RAP1GAP2: variants seen among roughly 807,000 people sequenced by gnomAD.
RAP1GAP2 encodes the protein rap1 GTPase-activating protein 2.
Under a neutral mutation model 95.0 loss-of-function variants are expected in RAP1GAP2, and 27 were observed. The observed-to-expected ratio is 0.28, with a 90% CI of 0.21 to 0.39. The LOEUF is 0.39. Ranked by LOEUF, RAP1GAP2 falls within the 10% of genes least tolerant of loss-of-function variation. The probability of loss-of-function intolerance (pLI) is 1.00; values close to 1 mark genes in which losing one functional copy is unlikely to be tolerated. For synonymous variants in RAP1GAP2, 373 were observed against 380.9 expected (o/e 0.98, Z 0.24); for missense variants, 771 against 970.0 (o/e 0.79, Z 2.72).
intron 2 of RAP1GAP2, among the ~76,000 whole-genome samples, chr17:2,842,802 C>T (rs1055383131): frequency 7.9e-5 from 12 of 152,102 alleles, no homozygotes; most frequent in African/African-American, 2.9e-4. Context: ...CTCGCTGTCC[C>T]ACCCTCTCCT....
At chr17:2,933,702 C>G (rs1416953076) in intron 3 of RAP1GAP2, among the ~76,000 whole-genome samples, 5 of 152,244 alleles carry the variant, frequency 3.3e-5, no homozygotes, top group Non-Finnish European at 7.3e-5. Context: ...CTAGTTGACC[C>G]TGTTACGGAC....
chr17:2,854,111 C>T (rs1597444483), intron 2 of RAP1GAP2: 2 of 985,446 alleles, frequency 2.0e-6, no homozygotes, highest in East Asian at 1.1e-4. Context: ...AGGTAAACCC[C>T]TGCAGCGCCG....
rs1008934004 is a variant in RAP1GAP2, at chr17:2,825,659, G to A, written c.80+25109G>A. Among the ~76,000 whole-genome samples the A allele has an allele frequency of 6.6e-6, 1 of 152,102 alleles. No individual in the cohort carries two copies. The highest frequency in any genetic ancestry group is 1.5e-5 in the Non-Finnish European group (1 of 68,024). ...GCGTCCCTGTCTCACAGGGATGTTT[G>A]AGGATGAAATGAGCTAACATAGGAA... On this transcript the variant is annotated intron_variant, in intron 2 of 24. Coordinates refer to ENST00000254695, the MANE Select transcript of RAP1GAP2 (RefSeq NM_015085.5). The surrounding 1 kb of genome is among the most constrained non-coding windows in gnomAD (Gnocchi z 4.1).
At chr17:2,938,327 A>G (rs1186080411) in intron 3 of RAP1GAP2, among the ~76,000 whole-genome samples, 1 of 151,916 alleles carries the variant, frequency 6.6e-6, no homozygotes, top group Non-Finnish European at 1.5e-5. Context: ...CCCACACCAC[A>G]CTGCCTTGTT....
intron 18 of RAP1GAP2, among the ~76,000 whole-genome samples, chr17:3,019,021 C>G (rs1053584488): frequency 1.8e-4 from 28 of 152,330 alleles, no homozygotes; most frequent in Admixed American, 1.2e-3. Flanking sequence ...GAGATCATGC[C>G]ACTGCACTCC....
chr17:2,889,369 C>T (rs2073609929), intron 2 of RAP1GAP2, among the ~76,000 whole-genome samples: 1 of 152,140 alleles, frequency 6.6e-6, no homozygotes, highest in Non-Finnish European at 1.5e-5. Context: ...AGGCCCTGTG[C>T]TGGGGCAGGC....
rs925256237 is a variant in RAP1GAP2 at position 2,861,666 on chromosome 17, G to A, written c.81-43618G>A. Among the ~76,000 whole-genome samples, 30 of 150,950 alleles carry A rather than the reference G, an allele frequency of 2.0e-4. 1 individual carries two copies. Among genetic ancestry groups the A allele is most frequent in the South Asian group, 4.2e-4 (2 of 4,762 alleles). On this transcript the variant is annotated intron_variant, in intron 2 of 24. Coordinates refer to ENST00000254695, the MANE Select transcript of RAP1GAP2 (RefSeq NM_015085.5). ...TATTTTTTTTGGGGGGGGGGACGGA[G>A]TCTCGCTCTGTCGCCCAGGCTGGAG... is the stretch of plus-strand genomic sequence containing the variant.
chr17:2,902,347 G>A lies in RAP1GAP2; in HGVS notation c.81-2937G>A, dbSNP rs2042051614. Among the ~76,000 whole-genome samples the A allele has an allele frequency of 6.6e-6, 1 of 152,082 alleles. No individual in the cohort carries two copies. The highest frequency in any genetic ancestry group is 2.4e-5 in the African/African-American group (1 of 41,406). The stretch of plus-strand genomic sequence containing the variant: ...TTCTCTTGCCTCAGCCTCCCAAGTA[G>A]CTCGGATGACAGGCACACGCCACCA... On this transcript the variant is annotated intron_variant, in intron 2 of 24. Coordinates refer to ENST00000254695, the MANE Select transcript of RAP1GAP2 (RefSeq NM_015085.5). The surrounding 1 kb of genome is among the most constrained non-coding windows in gnomAD (Gnocchi z 4.1).
chr17:3,027,020 C>T lies in RAP1GAP2; in HGVS notation c.2057C>T (p.Pro686Leu). The T allele has an allele frequency of 6.4e-7, 1 of 1,571,750 alleles. No individual in the cohort carries two copies. The highest frequency in any genetic ancestry group is 8.6e-7 in the Non-Finnish European group (1 of 1,158,846). ...VYSPSPSSES[P>L]SLGAAATPII... is the part of the protein sequence containing the mutation. ...AGCCCGTCCCCGAGCAGCGAGAGCCCCAGCCTGGGGGCAGCTGCCACCCCG... is the reference window on the plus strand; with the variant it reads ...AGCCCGTCCCCGAGCAGCGAGAGCCTCAGCCTGGGGGCAGCTGCCACCCCG... The change falls in exon 22 of 25, where the codon CCC becomes CTC. Residue 686 changes from proline (P) to leucine (L), a missense_variant. Coordinates refer to ENST00000254695, the MANE Select transcript of RAP1GAP2 (RefSeq NM_015085.5). This position sits in a 1 kb window ranked among gnomAD's most constrained non-coding sequence, Gnocchi z 5.2.
intron 1 of RAP1GAP2, among the ~76,000 whole-genome samples, chr17:2,758,149 G>A (rs547239450): frequency 1.3e-3 from 188 of 149,512 alleles, no homozygotes; most frequent in South Asian, 1.7e-3. Context: ...GATTACAGGC[G>A]TGAGCCACCA....
chr17:2,798,910 C>G (rs772635788), intron 1 of RAP1GAP2, among the ~76,000 whole-genome samples: 3 of 152,180 alleles, frequency 2.0e-5, no homozygotes, highest in African/African-American at 7.2e-5. Flanking sequence ...CAGAGGTGCA[C>G]GCACCAGGAG....
chr17:2,896,744 C>T (rs976813328), intron 2 of RAP1GAP2, among the ~76,000 whole-genome samples: 3 of 152,336 alleles, frequency 2.0e-5, no homozygotes, highest in Non-Finnish European at 2.9e-5. Flanking sequence ...CGCCTCCTGC[C>T]CTTTTTCCTA....
intron 13 of RAP1GAP2, among the ~76,000 whole-genome samples, chr17:2,997,816 G>C (rs1399765026): frequency 6.6e-6 from 1 of 151,656 alleles, no homozygotes; most frequent in Non-Finnish European, 1.5e-5. Flanking sequence ...CCAGCTACTC[G>C]GGAGGCTAAG....
At chr17:2,936,601 C>A (rs1471089658) in intron 3 of RAP1GAP2, among the ~76,000 whole-genome samples, 5 of 152,096 alleles carry the variant, frequency 3.3e-5, no homozygotes, top group African/African-American at 7.2e-5. Flanking sequence ...GTTACCCTCC[C>A]CCGGTGCCCC....
At chr17:2,853,070 T>C (rs904696784) in intron 2 of RAP1GAP2, among the ~76,000 whole-genome samples, 2 of 151,976 alleles carry the variant, frequency 1.3e-5, no homozygotes, top group African/African-American at 4.8e-5. Context: ...ATTGAACCCA[T>C]GTGGAGTCAA....
intron 3 of RAP1GAP2, among the ~76,000 whole-genome samples, chr17:2,926,344 C>G (rs1169217104): frequency 6.6e-6 from 1 of 152,178 alleles, no homozygotes; most frequent in Non-Finnish European, 1.5e-5. Context: ...GCAGCTTTCT[C>G]CTTGCTGTGT....
chr17:2,803,736 C>T (rs536391507), intron 2 of RAP1GAP2, among the ~76,000 whole-genome samples: 9 of 152,044 alleles, frequency 5.9e-5, no homozygotes, highest in Admixed American at 3.9e-4. Flanking sequence ...AAAATTAGCC[C>T]AGTGTGGTGG....
chr17:3,013,360 C>T (rs1159568346), intron 17 of RAP1GAP2, among the ~76,000 whole-genome samples: 1 of 152,300 alleles, frequency 6.6e-6, no homozygotes, highest in South Asian at 2.1e-4. Context: ...AGGATGGCCC[C>T]GCTGTTTTGG....
At position 3,026,458 on chromosome 17, in the gene RAP1GAP2, C is replaced by T. The variant is rs771004118; in HGVS notation, c.1974C>T (p.Asp658=). ...AGGGCGAGGCCATGGAGGAGGGCGACAGTGGGGTAGGTGTGCCCCGTCCAC... is the reference window on the plus strand; with the variant it reads ...AGGGCGAGGCCATGGAGGAGGGCGATAGTGGGGTAGGTGTGCCCCGTCCAC... The part of the protein sequence containing the change: ...AGEGEAMEEG[D]SGGSQPSTTS... The change falls in exon 21 of 25, where the codon GAC becomes GAT. Residue 658 remains aspartate (D), a synonymous_variant. Coordinates refer to ENST00000254695, the MANE Select transcript of RAP1GAP2 (RefSeq NM_015085.5). The T allele has an allele frequency of 4.9e-5, 76 of 1,548,980 alleles. No individual in the cohort carries two copies. The South Asian group carries it at 7.4e-4, about 15-fold the overall frequency.
Sources: gnomAD v4.1 joint callset for allele counts (sites outside exome capture counted in the v4.1 genomes callset) on GRCh38, gnomAD v4.1.1 for gene constraint, Gnocchi (gnomAD v3.1) non-coding constraint, MANE v1.5 for transcripts, NCBI Gene and HGNC (gene_info 2026-07-23, HGNC 2026-07-21) for gene names.